Variants in SLC2A9 observed in about 807,000 individuals in gnomAD.
SLC2A9 encodes the protein solute carrier family 2, facilitated glucose transporter member 9.
A neutral mutation model predicts 50.6 loss-of-function variants in SLC2A9; 39 were observed. The ratio of observed to expected loss-of-function variants is 0.77; its 90% confidence interval spans 0.60 to 1.01. The LOEUF (loss-of-function observed/expected upper bound fraction) is 1.01, where lower values mean the gene tolerates loss of function less well. Ranked by LOEUF, SLC2A9 falls within the 50% of genes least tolerant of loss-of-function variation. SLC2A9 has a pLI of 0.00. For missense variants in SLC2A9, 686 were observed against 677.6 expected (o/e 1.01, Z -0.14); for synonymous variants, 324 against 276.9 (o/e 1.17, Z -1.69).
chr4:9,940,497 A>C (rs1223250864), intron 6 of SLC2A9, among the ~76,000 whole-genome samples: 1 of 152,234 alleles, frequency 6.6e-6, no homozygotes, highest in Non-Finnish European at 1.5e-5. Flanking sequence ...TCCCAGGTCT[A>C]TCACCAAGCC....
intron 1 of SLC2A9, among the ~76,000 whole-genome samples, chr4:10,030,849 G>A (rs963311196): frequency 2.6e-5 from 4 of 152,110 alleles, no homozygotes; most frequent in African/African-American, 9.7e-5. Context: ...TGATGGCATG[G>A]CGCATAGCAG....
intron 1 of SLC2A9, chr4:10,034,459 G>A (rs1022864106): frequency 3.9e-5 from 6 of 152,324 alleles, no homozygotes; most frequent in African/African-American, 1.4e-4. Flanking sequence ...GAGATGGTGA[G>A]AGGGACTGTA....
intron 5 of SLC2A9, among the ~76,000 whole-genome samples, chr4:9,960,171 T>C (rs939704267): frequency 2.0e-5 from 3 of 152,230 alleles, no homozygotes; most frequent in Non-Finnish European, 4.4e-5. Context: ...ATCTGTCTCA[T>C]CCAGTTATTG....
intron 3 of SLC2A9, chr4:9,782,246 G>A: frequency 6.2e-7 from 1 of 1,613,584 alleles, no homozygotes. Context: ...CCACCTGCGC[G>A]CCAACATGAC....
At chr4:9,914,195 C>T (rs1448905458) in intron 7 of SLC2A9, among the ~76,000 whole-genome samples, 1 of 152,116 alleles carries the variant, frequency 6.6e-6, no homozygotes, top group Non-Finnish European at 1.5e-5. Context: ...GGGGAGGGTG[C>T]TAAGTCCTAT....
chr4:9,828,840 G>A (rs1725559113), intron 11 of SLC2A9, among the ~76,000 whole-genome samples: 1 of 152,150 alleles, frequency 6.6e-6, no homozygotes. Context: ...CCTACCAAGA[G>A]GTAACTATCT....
intron 10 of SLC2A9, among the ~76,000 whole-genome samples, chr4:9,843,050 C>A (rs1050398914): frequency 6.6e-6 from 1 of 152,090 alleles, no homozygotes; most frequent in African/African-American, 2.4e-5. Context: ...GGTAGGAGGG[C>A]TGGATTATTT....
Position 9,816,612 on chromosome 4 carries a change from T to C in SLC2A9, n.420+9808A>G, listed in dbSNP as rs2109018953. On this transcript the variant is annotated intron_variant and non_coding_transcript_variant, in intron 3 of 3. Transcript: ENST00000503280. Reference sequence around the variant, plus strand: ...AATTAGCTTGATTGTGGTGATGGTTTCATAACATATACTAATATCAAAACA... The same window carrying C: ...AATTAGCTTGATTGTGGTGATGGTTCCATAACATATACTAATATCAAAACA... Among the ~76,000 whole-genome samples the C allele has an allele frequency of 2.0e-5, 3 of 152,296 alleles. No individual in the cohort carries two copies. The South Asian group carries it at 6.2e-4, about 32-fold the overall frequency.
chr4:9,858,353 G>A (rs746490016), intron 10 of SLC2A9, among the ~76,000 whole-genome samples: 3 of 152,172 alleles, frequency 2.0e-5, no homozygotes, highest in Non-Finnish European at 4.4e-5. Context: ...TGACTGTCTA[G>A]GGTTCTCTTT....
At chr4:9,798,130 C>T (rs1228852195), downstream of SLC2A9, among the ~76,000 whole-genome samples, 1 of 152,194 alleles carries the variant, frequency 6.6e-6, no homozygotes, top group Non-Finnish European at 1.5e-5. Context: ...GGGTCTGGTG[C>T]AACCAGGTGA....
intron 10 of SLC2A9, among the ~76,000 whole-genome samples, chr4:9,870,013 C>T (rs887629930): frequency 2.0e-5 from 3 of 152,190 alleles, no homozygotes; most frequent in Non-Finnish European, 4.4e-5. Flanking sequence ...TTGGGATGCA[C>T]ACATAGGGGA....
In SLC2A9 at chr4:9,906,516, C is replaced by T. The variant is rs961911173; in HGVS notation, c.1113+1719G>A. On this transcript the variant is annotated intron_variant, in intron 8 of 11. Transcript: ENST00000264784. ...ATGTGAACAAAAGCAGATCAGAGCT[C>T]GTATTTAGAATAGGATTACTGTGCT... is the stretch of plus-strand genomic sequence containing the variant. 5.3e-5 allele frequency among the ~76,000 whole-genome samples: 8 copies of T among 152,202 alleles called. No individual in the cohort carries two copies. In the South Asian group the frequency reaches 1.0e-3, roughly 20 times the overall value.
chr4:9,923,969 A>G (rs1451197547), intron 6 of SLC2A9: 1 of 152,168 alleles, frequency 6.6e-6, no homozygotes, highest in African/African-American at 2.4e-5. Context: ...TGGCTGGACG[A>G]CAAGGGAGGA....
downstream of SLC2A9, among the ~76,000 whole-genome samples, chr4:9,778,534 A>G (rs1234717048): frequency 6.6e-6 from 1 of 152,020 alleles, no homozygotes; most frequent in East Asian, 1.9e-4. Flanking sequence ...CTTTCACACA[A>G]TCTTCCCTGC....
intron 5 of SLC2A9, among the ~76,000 whole-genome samples, chr4:9,950,648 G>A (rs968461529): frequency 2.0e-5 from 3 of 152,138 alleles, no homozygotes; most frequent in Non-Finnish European, 2.9e-5. Context: ...TCATGGGAAC[G>A]TAAACTAGTA....
intron 4 of SLC2A9, among the ~76,000 whole-genome samples, chr4:9,985,344 T>A (rs775596091): frequency 6.6e-6 from 1 of 152,028 alleles, no homozygotes; most frequent in African/African-American, 2.4e-5. Context: ...AAAAGCCCCA[T>A]GAAAACCACA....
chr4:9,813,388 C>A (rs1225366757), intron 3 of SLC2A9, among the ~76,000 whole-genome samples: 1 of 152,180 alleles, frequency 6.6e-6, no homozygotes, highest in South Asian at 2.1e-4. Context: ...TCTTGTATTT[C>A]TTTTTTCCCT....
At chr4:9,836,708 G>A (rs964975500) in intron 10 of SLC2A9, among the ~76,000 whole-genome samples, 4 of 152,220 alleles carry the variant, frequency 2.6e-5, no homozygotes, top group Non-Finnish European at 2.9e-5. Context: ...CAGCAGTTGA[G>A]GTGATCAATT....
At chr4:10,025,301 G>A (rs1220766818), upstream of SLC2A9, among the ~76,000 whole-genome samples, 1 of 152,196 alleles carries the variant, frequency 6.6e-6, no homozygotes, top group African/African-American at 2.4e-5. Context: ...CCCTTTCTGA[G>A]CCTCAGTTCA....
Sources: gnomAD v4.1 joint callset for allele counts (sites outside exome capture counted in the v4.1 genomes callset) on GRCh38, gnomAD v4.1.1 for gene constraint, MANE v1.5 for transcripts, NCBI Gene and HGNC (gene_info 2026-07-23, HGNC 2026-07-21) for gene names.